Variants in CNTNAP2 observed in about 807,000 individuals in gnomAD.
CNTNAP2 encodes contactin-associated protein-like 2.
Under a neutral mutation model 155.2 loss-of-function variants are expected in CNTNAP2, and 98 were observed. The observed-to-expected ratio is 0.63, with a 90% CI of 0.54 to 0.75. The LOEUF is 0.75. CNTNAP2 is among the 30% of genes least tolerant of loss of function. The pLI is 0.00. For synonymous variants in CNTNAP2, 651 were observed against 631.2 expected (o/e 1.03, Z -0.47); for missense variants, 1,727 against 1,688.1 (o/e 1.02, Z -0.40).
At chr7:147,569,686 G>A (rs1018578839) in intron 12 of CNTNAP2, among the ~76,000 whole-genome samples, 1 of 152,134 alleles carries the variant, frequency 6.6e-6, no homozygotes, top group Non-Finnish European at 1.5e-5. Flanking sequence ...TTTACACAAT[G>A]ACCAAATCAC....
chr7:147,025,189 G>C (rs148445086), intron 3 of CNTNAP2, among the ~76,000 whole-genome samples: 1,725 of 147,102 alleles, frequency 0.012, 32 homozygotes, highest in African/African-American at 0.039. Context: ...CAGAGGCTGA[G>C]ACAAGAGAAT....
chr7:146,443,197 G>C (rs995294036), intron 1 of CNTNAP2, among the ~76,000 whole-genome samples: 2 of 151,272 alleles, frequency 1.3e-5, no homozygotes, highest in Non-Finnish European at 2.9e-5. Context: ...CTTGGTGACA[G>C]AGCGAGACTC....
intron 1 of CNTNAP2, among the ~76,000 whole-genome samples, chr7:146,740,848 C>T (rs144466903): frequency 3.3e-5 from 5 of 152,314 alleles, no homozygotes; most frequent in Middle Eastern, 3.4e-3. Context: ...AAGCCTGGGA[C>T]CACTGATGTC....
At chr7:146,377,369 G>T (rs956355220) in intron 1 of CNTNAP2, among the ~76,000 whole-genome samples, 2 of 151,980 alleles carry the variant, frequency 1.3e-5, no homozygotes, top group African/African-American at 4.8e-5. Flanking sequence ...TCTGTTTTCT[G>T]CCGTCTACCT....
intron 13 of CNTNAP2, among the ~76,000 whole-genome samples, chr7:147,848,035 T>C (rs1798841546): frequency 8.0e-6 from 1 of 125,368 alleles, no homozygotes; most frequent in South Asian, 2.8e-4. Flanking sequence ...CTGCAGAGGT[T>C]ACTGCTGTCT....
At chr7:146,203,032 G>C (rs1798890714) in intron 1 of CNTNAP2, among the ~76,000 whole-genome samples, 1 of 152,094 alleles carries the variant, frequency 6.6e-6, no homozygotes, top group East Asian at 1.9e-4. Flanking sequence ...GTTCTGTGTT[G>C]CTTTGTTTTC....
At chr7:147,504,607 T>A (rs1182037913) in intron 11 of CNTNAP2, among the ~76,000 whole-genome samples, 2 of 151,076 alleles carry the variant, frequency 1.3e-5, no homozygotes, top group Non-Finnish European at 2.9e-5. Context: ...GAGAATCACT[T>A]GAACCCGGGA....
chr7:146,279,961 G>A (rs770411360), intron 1 of CNTNAP2, among the ~76,000 whole-genome samples: 15 of 150,674 alleles, frequency 1.0e-4, no homozygotes, highest in Non-Finnish European at 1.8e-4. Flanking sequence ...ATTACTATAC[G>A]TATCATATTA....
chr7:148,283,513 A>G (rs1797026643), intron 21 of CNTNAP2, among the ~76,000 whole-genome samples: 1 of 152,176 alleles, frequency 6.6e-6, no homozygotes, highest in African/African-American at 2.4e-5. Flanking sequence ...TTATTTGCAG[A>G]CATGTGCTGT....
At chr7:146,841,167 TG>T (rs1803713935) in intron 3 of CNTNAP2, among the ~76,000 whole-genome samples, 1 of 152,226 alleles carries the variant, frequency 6.6e-6, no homozygotes, top group African/African-American at 2.4e-5. Context: ...AGGTGCAGCC[TG>T]GGCTTTGGGA....
chr7:146,218,242 G>T (rs1799146807), intron 1 of CNTNAP2, among the ~76,000 whole-genome samples: 1 of 152,200 alleles, frequency 6.6e-6, no homozygotes, highest in South Asian at 2.1e-4. Context: ...GGGCGCGGTG[G>T]CTCACGCCTG....
At chr7:148,119,765 T>C (rs528625348) in intron 16 of CNTNAP2, among the ~76,000 whole-genome samples, 32 of 152,170 alleles carry the variant, frequency 2.1e-4, no homozygotes, top group Non-Finnish European at 4.6e-4. Context: ...GGGATTGTGA[T>C]GAGAATAGAA....
intron 9 of CNTNAP2, among the ~76,000 whole-genome samples, chr7:147,346,545 G>A (rs530234221): frequency 1.1e-4 from 16 of 152,262 alleles, no homozygotes; most frequent in Admixed American, 3.3e-4. Context: ...TGCCTTTTCA[G>A]TAAAACATAT....
intron 13 of CNTNAP2, among the ~76,000 whole-genome samples, chr7:147,760,725 T>A (rs1158825840): frequency 1.3e-5 from 2 of 152,196 alleles, no homozygotes; most frequent in African/African-American, 4.8e-5. Context: ...GTAGTTCTTG[T>A]TCATCAATCC....
chr7:148,406,608 A>G (rs4726973), intron 22 of CNTNAP2, among the ~76,000 whole-genome samples: 86,253 of 152,186 alleles, frequency 0.57, 25,090 homozygotes, highest in African/African-American at 0.64. Flanking sequence ...TCTAATTTTA[A>G]CTAGACTATT....
chr7:148,206,008 A>G (rs1341413855), intron 18 of CNTNAP2, among the ~76,000 whole-genome samples: 1 of 151,938 alleles, frequency 6.6e-6, no homozygotes, highest in Non-Finnish European at 1.5e-5. Flanking sequence ...AAATATATAT[A>G]TGCATATAGG....
intron 1 of CNTNAP2, among the ~76,000 whole-genome samples, chr7:146,470,555 A>ATATTT (rs989280173): frequency 7.9e-5 from 12 of 151,874 alleles, no homozygotes; most frequent in Non-Finnish European, 1.5e-4. Flanking sequence ...CCTAACTGCC[A>ATATTT]TATTTTATTT....
At chr7:147,607,599 T>G (rs1416117793) in intron 12 of CNTNAP2, among the ~76,000 whole-genome samples, 2 of 152,158 alleles carry the variant, frequency 1.3e-5, no homozygotes, top group African/African-American at 4.8e-5. Context: ...GTGTTTAATC[T>G]TCCCATGTTT....
intron 8 of CNTNAP2, among the ~76,000 whole-genome samples, chr7:147,137,914 TAGG>T (rs2129286560): frequency 1.5e-5 from 1 of 66,280 alleles, no homozygotes; most frequent in East Asian, 8.0e-4. Context: ...GATAGATAGA[TAGG>T]TAGATAGATA....
Sources: allele counts gnomAD v4.1 joint callset (sites outside exome capture counted in the v4.1 genomes callset), GRCh38; gene constraint gnomAD v4.1.1; transcripts MANE v1.5; gene names NCBI Gene and HGNC (gene_info 2026-07-23, HGNC 2026-07-21).